TINAGL1: variants seen among roughly 807,000 people sequenced by gnomAD.
TINAGL1 encodes tubulointerstitial nephritis antigen like 1.
In TINAGL1, 34 loss-of-function variants were observed where a neutral mutation model predicts 62.0. That is an observed-to-expected ratio of 0.55 (90% confidence interval 0.42 to 0.73). TINAGL1 has a LOEUF of 0.73. TINAGL1 is among the 30% of genes least tolerant of loss of function. TINAGL1 has a pLI of 0.00. For synonymous variants in TINAGL1, 221 were observed against 249.7 expected (o/e 0.88, Z 1.08); for missense variants, 516 against 653.2 (o/e 0.79, Z 2.29).
chr1:31,586,933 T>C lies in TINAGL1; in HGVS notation c.1358T>C (p.Leu453Pro). The C allele has an allele frequency of 6.5e-7, 1 of 1,536,584 alleles. No individual in the cohort carries two copies. Among genetic ancestry groups the C allele is most frequent in the Non-Finnish European group, 8.7e-7 (1 of 1,145,240 alleles). ...VNECDIESFV[L>P]GVWGRVGMED... ...GAGTGCGACATCGAGAGCTTCGTGC[T>C]GGGCGTCTGGGGCCGCGTGGGCATG... The change falls in exon 12 of 12, where the codon CTG becomes CCG. Residue 453 changes from leucine to proline, a missense_variant. By Grantham distance (98) the Leu-to-Pro change is moderately conservative. Transcript: ENST00000271064.
At chr1:31,581,674 T>C (rs1639249082) in intron 3 of TINAGL1, among the ~76,000 whole-genome samples, 1 of 152,174 alleles carries the variant, frequency 6.6e-6, no homozygotes, top group African/African-American at 2.4e-5. Flanking sequence ...ATGGTGATAG[T>C]AGATATTAAT....
At chr1:31,580,420 G>A in intron 3 of TINAGL1, 1 of 1,289,366 alleles carries the variant, frequency 7.8e-7, no homozygotes, top group Non-Finnish European at 1.0e-6. Flanking sequence ...AGGCTCTGGG[G>A]GCGAGGGTGG....
At chr1:31,586,096 A>G (rs1328028003) in intron 10 of TINAGL1, 2 of 495,218 alleles carry the variant, frequency 4.0e-6, no homozygotes, top group Non-Finnish European at 6.8e-6. Context: ...CCTTCCTTAC[A>G]TTGGGATAAA....
Position 31,583,256 on chromosome 1 carries a change from A to G in TINAGL1, c.467+15A>G, listed in dbSNP as rs377735435. The G allele has an allele frequency of 1.2e-6, 2 of 1,612,444 alleles. No homozygotes were observed. The highest frequency in any genetic ancestry group is 2.7e-5 in the African/African-American group (2 of 74,902). ...GGCAACTATGGGTGAGAGGCCCTAG[A>G]GGCACCCTCAGTGGGCACACATGCA... On this transcript the variant is annotated intron_variant, in intron 4 of 11. Coordinates refer to ENST00000271064, the MANE Select transcript of TINAGL1 (RefSeq NM_022164.3). The surrounding 1 kb of genome is among the most constrained non-coding windows in gnomAD (Gnocchi z 4.4).
rs1217564257 is a variant in TINAGL1, at chr1:31,576,629, T to C, written c.-16+34T>C. ...GCTCCCCTGCTCAGAGGGCGGAAGG[T>C]GTAGACAGAGAAGAAACAGGGGGAG... is the stretch of plus-strand genomic sequence containing the variant. On this transcript the variant is annotated intron_variant, in intron 1 of 11. Transcript: ENST00000271064. This position sits in a 1 kb window ranked among gnomAD's most constrained non-coding sequence, Gnocchi z 5.1. 1.3e-5 allele frequency: 2 copies of C among 152,502 alleles called. No homozygotes were observed. The highest frequency in any genetic ancestry group is 2.9e-5 in the Non-Finnish European group (2 of 69,052). The allele number at this position is 152,502 out of a possible 1,614,324, so 9.4% of individuals were successfully genotyped here.
chr1:31,587,090 C>CG lies in TINAGL1; in HGVS notation c.*114dup. ...CGCCCGACAGAGCCCGGGGCGCAGG[C>CG]GGGCGCCAGGGCGCTAATCCCGGCG... is the stretch of plus-strand genomic sequence containing the variant. On this transcript the variant is annotated 3_prime_UTR_variant, in exon 12 of 12. Coordinates refer to ENST00000271064, the MANE Select transcript of TINAGL1 (RefSeq NM_022164.3). 1 of 1,321,456 alleles carries CG rather than the reference C, an allele frequency of 7.6e-7. No individual in the cohort carries two copies. Among genetic ancestry groups the CG allele is most frequent in the Admixed American group, 3.8e-5 (1 of 26,108 alleles). The allele number at this position is 1,321,456 out of a possible 1,614,324, so 81.9% of individuals were successfully genotyped here.
chr1:31,581,459 G>A (rs1201599163), intron 3 of TINAGL1, among the ~76,000 whole-genome samples: 4 of 152,100 alleles, frequency 2.6e-5, no homozygotes, highest in African/African-American at 7.2e-5. Context: ...ACATGTGGGC[G>A]GACACCACAG....
Position 31,579,477 on chromosome 1 carries a change from A to G in TINAGL1, c.374+210A>G, listed in dbSNP as rs116601927. ...CAACATTCCTCAAGCATGGCCAGCC[A>G]TGGGTGCCTGGCCCAGGGGTCACCC... is the stretch of plus-strand genomic sequence containing the variant. On this transcript the variant is annotated intron_variant, in intron 3 of 11. Transcript: ENST00000271064. Among the ~76,000 whole-genome samples the G allele has an allele frequency of 7.1e-3, 1,077 of 152,348 alleles. 11 individuals carry two copies. The highest frequency in any genetic ancestry group is 0.025 in the African/African-American group (1,032 of 41,572).
In TINAGL1 at chr1:31,583,867, C is replaced by A; in HGVS notation, c.582+292C>A. On this transcript the variant is annotated intron_variant, in intron 5 of 11. Transcript: ENST00000271064. The surrounding 1 kb of genome is among the most constrained non-coding windows in gnomAD (Gnocchi z 4.4). ...GTCTCAGTACAGCTGGGTTAGGGCC[C>A]AAGGGGACAGGGGGTCACCTTGGTA... 1 of 371,170 alleles carries A rather than the reference C, an allele frequency of 2.7e-6. No homozygotes were observed. The highest frequency in any genetic ancestry group is 5.0e-6 in the Non-Finnish European group (1 of 200,948). The allele number at this position is 371,170 out of a possible 1,614,324, so 23.0% of individuals were successfully genotyped here.
At chr1:31,582,945 C>T (rs1230931045) in intron 3 of TINAGL1, among the ~76,000 whole-genome samples, 1 of 152,078 alleles carries the variant, frequency 6.6e-6, no homozygotes, top group African/African-American at 2.4e-5. Flanking sequence ...GGTGTTCAGG[C>T]AGAGATCTGG....
rs772248863 is a variant in TINAGL1 at position 31,586,968 on chromosome 1, G to A, written c.1393G>A (p.Gly465Ser). Residue 465 changes from glycine (G) to serine (S), a missense_variant, in exon 12 of 12, where the codon GGT becomes AGT. Transcript: ENST00000271064. ...GGGCCGCGTGGGCATGGAGGACATG[G>A]GTCATCACTGAGGCTGCGGGCACCA... ...VWGRVGMEDMGHH is the reference protein window; with the variant it reads ...VWGRVGMEDMSHH 31 of 1,509,836 alleles carry A rather than the reference G, an allele frequency of 2.1e-5. No homozygotes were observed. The South Asian group carries it at 3.7e-4, about 18-fold the overall frequency. 93.5% of individuals were successfully genotyped at this position (1,509,836 alleles called of 1,614,324 possible).
Position 31,585,447 on chromosome 1 carries a change from A to T in TINAGL1, c.1055A>T (p.Glu352Val), listed in dbSNP as rs1183611549. 1 of 1,614,194 alleles carries T rather than the reference A, an allele frequency of 6.2e-7. No individual in the cohort carries two copies. The highest frequency in any genetic ancestry group is 1.7e-5 in the Admixed American group (1 of 60,026). The change falls in exon 9 of 12, where the codon GAG (glutamate) becomes GTG (valine). Residue 352 changes from glutamate (E) to valine (V), a missense_variant. Coordinates refer to ENST00000271064, the MANE Select transcript of TINAGL1 (RefSeq NM_022164.3). This position sits in a 1 kb window ranked among gnomAD's most constrained non-coding sequence, Gnocchi z 4.3. Reference protein sequence around the residue: ...PVYRLGSNDKEIMKELMENGP... With the variant: ...PVYRLGSNDKVIMKELMENGP... ...CCATCCCCTGCCCTCCAGGACAAGG[A>T]GATCATGAAGGAGCTGATGGAGAAT...
At chr1:31,578,434 GGT>G (rs10577314) in intron 2 of TINAGL1, among the ~76,000 whole-genome samples, 5,553 of 99,680 alleles carry the variant, frequency 0.056, 352 homozygotes, top group East Asian at 0.3. Flanking sequence ...AGTGACAGCT[GGT>G]GTGTGTGTGT....
chr1:31,586,926 T>C lies in TINAGL1; in HGVS notation c.1351T>C (p.Phe451Leu). 1 of 1,539,332 alleles carries C rather than the reference T, an allele frequency of 6.5e-7. No homozygotes were observed. Among genetic ancestry groups the C allele is most frequent in the South Asian group, 1.3e-5 (1 of 79,222 alleles). The change falls in exon 12 of 12, where the codon TTC becomes CTC. Residue 451 changes from phenylalanine to leucine, a missense_variant. Physicochemically the swap from Phe to Leu is conservative, Grantham distance 22. Coordinates refer to ENST00000271064, the MANE Select transcript of TINAGL1 (RefSeq NM_022164.3). Reference sequence around the variant, plus strand: ...CGTCAATGAGTGCGACATCGAGAGCTTCGTGCTGGGCGTCTGGGGCCGCGT... The same window carrying C: ...CGTCAATGAGTGCGACATCGAGAGCCTCGTGCTGGGCGTCTGGGGCCGCGT... ...RGVNECDIESFVLGVWGRVGM... is the reference protein window; with the variant it reads ...RGVNECDIESLVLGVWGRVGM...
Position 31,585,947 on chromosome 1 carries a change from G to A in TINAGL1, c.1217+71G>A. On this transcript the variant is annotated intron_variant, in intron 10 of 11. Coordinates refer to ENST00000271064, the MANE Select transcript of TINAGL1 (RefSeq NM_022164.3). This position sits in a 1 kb window ranked among gnomAD's most constrained non-coding sequence, Gnocchi z 4.3. ...GCTAGGGGCTCTGGAGCCTGCCTTG[G>A]GTTCTTACAACCTCTCTAAAAAGCC... 3 of 1,479,972 alleles carry A rather than the reference G, an allele frequency of 2.0e-6. No homozygotes were observed. In the East Asian group the frequency reaches 7.5e-5, roughly 37 times the overall value. 91.7% of individuals were successfully genotyped at this position (1,479,972 alleles called of 1,614,324 possible).
Position 31,584,852 on chromosome 1 carries a change from G to A in TINAGL1, c.707-34G>A, listed in dbSNP as rs1354214457. On this transcript the variant is annotated intron_variant, in intron 6 of 11. Transcript: ENST00000271064. The surrounding 1 kb of genome is among the most constrained non-coding windows in gnomAD (Gnocchi z 4.0). ...CTGGGAGAGGAGGGCCAAGTCCTGAGCCTCCCGACAGCCCCTCTATCTCAC... is the reference window on the plus strand; with the variant it reads ...CTGGGAGAGGAGGGCCAAGTCCTGAACCTCCCGACAGCCCCTCTATCTCAC... 3.7e-6 allele frequency: 6 copies of A among 1,613,606 alleles called. No homozygotes were observed. Among genetic ancestry groups the A allele is most frequent in the Non-Finnish European group, 4.2e-6 (5 of 1,179,610 alleles).
Position 31,586,844 on chromosome 1 carries a change from G to T in TINAGL1, c.1269G>T (p.Ala423=). 1.3e-6 allele frequency: 2 copies of T among 1,545,846 alleles called. No homozygotes were observed. Among genetic ancestry groups the T allele is most frequent in the South Asian group, 2.4e-5 (2 of 82,458 alleles). ...CCACCCCTCCTTATTCCCAGACTGC[G>T]GCCAACTCCTGGGGCCCAGCCTGGG... ...PDGRTLKYWT[A]ANSWGPAWGE... The change falls in exon 12 of 12, where the codon GCG becomes GCT. Residue 423 remains alanine, a synonymous_variant. Coordinates refer to ENST00000271064, the MANE Select transcript of TINAGL1 (RefSeq NM_022164.3).
chr1:31,577,078 AG>A lies in TINAGL1; in HGVS notation c.-15-55del, dbSNP rs1638987801. ...GAACTCACAGCTCCAGGAAACTGGG[AG>A]ACTCATCCCTGGTGTTCCAGGGAGT... On this transcript the variant is annotated intron_variant, in intron 1 of 11. Transcript: ENST00000271064. This position sits in a 1 kb window ranked among gnomAD's most constrained non-coding sequence, Gnocchi z 5.4. 1 of 1,383,040 alleles carries A rather than the reference AG, an allele frequency of 7.2e-7. No homozygotes were observed. Among genetic ancestry groups the A allele is most frequent in the African/African-American group, 1.5e-5 (1 of 68,740 alleles). 85.7% of individuals were successfully genotyped at this position (1,383,040 alleles called of 1,614,324 possible). A position where few individuals can be genotyped will look rare whatever the true frequency, so the allele number is the denominator to read the frequency against.
chr1:31,582,037 C>A (rs1310608880), intron 3 of TINAGL1, among the ~76,000 whole-genome samples: 2 of 152,170 alleles, frequency 1.3e-5, no homozygotes, highest in Non-Finnish European at 2.9e-5. Context: ...CAGGGATAAG[C>A]AATATAAACA....
Sources: gnomAD v4.1 joint callset for allele counts (sites outside exome capture counted in the v4.1 genomes callset) on GRCh38, gnomAD v4.1.1 for gene constraint, Gnocchi (gnomAD v3.1) non-coding constraint, MANE v1.5 for transcripts, NCBI Gene and HGNC (gene_info 2026-07-23, HGNC 2026-07-21) for gene names.